The following GOLPH3 variants were observed in gnomAD, a reference collection of about 807,000 sequenced individuals.
The protein encoded by GOLPH3 is golgi phosphoprotein 3, also known as coat protein GPP34.
In GOLPH3, 14 loss-of-function variants were observed where a neutral mutation model predicts 28.5. That is an observed-to-expected ratio of 0.49 (90% CI 0.32 to 0.77). GOLPH3 has a LOEUF of 0.77. Among genes scored for constraint, GOLPH3 ranks in the 30% least tolerant of loss-of-function variants. The probability of loss-of-function intolerance (pLI) is 0.03; values close to 1 mark genes in which losing one functional copy is unlikely to be tolerated. For missense variants in GOLPH3, 350 were observed against 393.7 expected, an observed-to-expected ratio of 0.89 and a Z score of 0.94; for synonymous variants, 158 against 159.2, an observed-to-expected ratio of 0.99 and a Z score of 0.06.
chr5:32,132,998 A>C (rs1745854064), intron 3 of GOLPH3, among the ~76,000 whole-genome samples: 1 of 152,230 alleles, frequency 6.6e-6, no homozygotes, highest in Admixed American at 6.5e-5. Flanking sequence ...AAGCAACTCA[A>C]GTGCTACAGG....
At chr5:32,131,003 A>G (rs1745815061) in intron 3 of GOLPH3, among the ~76,000 whole-genome samples, 1 of 152,208 alleles carries the variant, frequency 6.6e-6, no homozygotes, top group Non-Finnish European at 1.5e-5. Flanking sequence ...ACCTTCAAAT[A>G]AAGTATTCCA....
In GOLPH3 at chr5:32,126,609, T is replaced by G. The variant is rs773929083; in HGVS notation, c.500A>C (p.His167Pro). ...SGETWNPLKL[H>P]YQLRNVRERL... is the part of the protein sequence containing the mutation. ...TTCCCGTACATTTCTTAACTGATAA[T>G]GCAATTTTAATGGATTCCATGTCTC... The change falls in exon 4 of 4, where the codon CAT (histidine) becomes CCT (proline). Residue 167 changes from histidine (H) to proline (P), a missense_variant. His to Pro is a moderately conservative substitution (Grantham distance 77). Transcript: ENST00000265070. The G allele has an allele frequency of 6.2e-7, 1 of 1,613,274 alleles. No homozygotes were observed. Among genetic ancestry groups the G allele is most frequent in the Non-Finnish European group, 8.5e-7 (1 of 1,179,582 alleles).
chr5:32,136,180 AAAG>A (rs1475798147), intron 2 of GOLPH3, among the ~76,000 whole-genome samples: 1 of 151,900 alleles, frequency 6.6e-6, no homozygotes, highest in Non-Finnish European at 1.5e-5. Flanking sequence ...CTCAAAGAGA[AAAG>A]AAAAGCAAGC....
At chr5:32,133,967 C>T (rs139279125) in intron 3 of GOLPH3, among the ~76,000 whole-genome samples, 2 of 152,286 alleles carry the variant, frequency 1.3e-5, no homozygotes, top group East Asian at 1.9e-4. Flanking sequence ...ATCAAGAATA[C>T]GTTTACGTTC....
At chr5:32,164,757 A>G (rs972940619) in intron 1 of GOLPH3, among the ~76,000 whole-genome samples, 1 of 152,052 alleles carries the variant, frequency 6.6e-6, no homozygotes, top group Non-Finnish European at 1.5e-5. Context: ...CAATGACATT[A>G]CCACACTGGG....
chr5:32,129,079 G>C (rs531256469), intron 3 of GOLPH3, among the ~76,000 whole-genome samples: 2 of 152,238 alleles, frequency 1.3e-5, no homozygotes, highest in East Asian at 3.9e-4. Context: ...CTACTCGGGA[G>C]GCTGAGGCAG....
chr5:32,140,110 A>G (rs972115752), intron 2 of GOLPH3, among the ~76,000 whole-genome samples: 11 of 152,188 alleles, frequency 7.2e-5, no homozygotes. Context: ...ATGAATTTAA[A>G]ATGACCCACA....
chr5:32,136,347 G>A (rs1745931837), intron 2 of GOLPH3, among the ~76,000 whole-genome samples: 1 of 151,934 alleles, frequency 6.6e-6, no homozygotes, highest in African/African-American at 2.4e-5. Context: ...TGGGCGTGGT[G>A]GCAGGTGCCT....
chr5:32,157,199 T>C (rs879331775), intron 1 of GOLPH3, among the ~76,000 whole-genome samples: 7 of 152,202 alleles, frequency 4.6e-5, no homozygotes, highest in Non-Finnish European at 1.0e-4. Flanking sequence ...CACAACCTTT[T>C]GATGAGAACC....
At chr5:32,128,551 C>T (rs532262639) in intron 3 of GOLPH3, among the ~76,000 whole-genome samples, 34 of 152,120 alleles carry the variant, frequency 2.2e-4, no homozygotes, top group African/African-American at 2.9e-4. Flanking sequence ...CTCAGCTACT[C>T]GGACGGCTGA....
intron 3 of GOLPH3, among the ~76,000 whole-genome samples, chr5:32,128,230 T>C (rs1185739176): frequency 6.6e-6 from 1 of 152,166 alleles, no homozygotes; most frequent in Non-Finnish European, 1.5e-5. Flanking sequence ...GGGAAAAATG[T>C]GATTGCCAAC....
intron 1 of GOLPH3, among the ~76,000 whole-genome samples, chr5:32,169,959 GAAAA>G (rs199522796): frequency 7.4e-6 from 1 of 135,750 alleles, no homozygotes; most frequent in Non-Finnish European, 1.6e-5. Context: ...AATGTGTAAA[GAAAA>G]AAAAAAAAAT....
chr5:32,167,887 G>C (rs900495326), intron 1 of GOLPH3, among the ~76,000 whole-genome samples: 2 of 152,052 alleles, frequency 1.3e-5, no homozygotes, highest in Non-Finnish European at 2.9e-5. Context: ...TCAGGAGGTC[G>C]AGGTTGCAAT....
chr5:32,158,790 C>T (rs1008955067), intron 1 of GOLPH3, among the ~76,000 whole-genome samples: 1 of 152,168 alleles, frequency 6.6e-6, no homozygotes. Flanking sequence ...CTTTCTCTTC[C>T]GCTTCCATCC....
At position 32,126,590 on chromosome 5, in the gene GOLPH3, T is replaced by A. The variant is rs1362684849; in HGVS notation, c.519A>T (p.Val173=). The A allele has an allele frequency of 6.2e-7, 1 of 1,614,022 alleles. No homozygotes were observed. ...CCAGGTTTTTAGCTAATCGTTCCCG[T>A]ACATTTCTTAACTGATAATGCAATT... The part of the protein sequence containing the change: ...PLKLHYQLRN[V]RERLAKNLVE... The change falls in exon 4 of 4, where the codon GTA becomes GTT. Residue 173 remains valine (V), a synonymous_variant. Coordinates refer to ENST00000265070, the MANE Select transcript of GOLPH3 (RefSeq NM_022130.4).
chr5:32,166,823 G>A (rs1021216773), intron 1 of GOLPH3, among the ~76,000 whole-genome samples: 18 of 148,152 alleles, frequency 1.2e-4, no homozygotes, highest in Middle Eastern at 3.5e-3. Context: ...AAAAAAAAAA[G>A]CAGGAGGAGG....
At chr5:32,138,429 A>G (rs1038702453) in intron 2 of GOLPH3, among the ~76,000 whole-genome samples, 2 of 152,178 alleles carry the variant, frequency 1.3e-5, no homozygotes, top group African/African-American at 4.8e-5. Flanking sequence ...GTACATGTGT[A>G]CAACGTGCAG....
intron 1 of GOLPH3, among the ~76,000 whole-genome samples, chr5:32,150,311 A>C: frequency 6.6e-6 from 1 of 151,994 alleles, no homozygotes; most frequent in Non-Finnish European, 1.5e-5. Flanking sequence ...CTTATATACA[A>C]AGTCTCAGCA....
intron 1 of GOLPH3, among the ~76,000 whole-genome samples, chr5:32,145,023 A>T (rs1448059822): frequency 6.6e-6 from 1 of 152,226 alleles, no homozygotes; most frequent in Non-Finnish European, 1.5e-5. Flanking sequence ...TAAAGAATGG[A>T]GGGCCCAGGA....
Sources: allele counts gnomAD v4.1 joint callset (sites outside exome capture counted in the v4.1 genomes callset), GRCh38; gene constraint gnomAD v4.1.1; transcripts MANE v1.5; gene names NCBI Gene and HGNC (gene_info 2026-07-23, HGNC 2026-07-21).